GRK5: variants seen among roughly 807,000 people sequenced by gnomAD.
GRK5 encodes G protein-coupled receptor kinase 5.
A neutral mutation model predicts 78.4 loss-of-function variants in GRK5; 40 were observed. The ratio of observed to expected loss-of-function variants is 0.51; its 90% CI spans 0.40 to 0.66. The LOEUF (loss-of-function observed/expected upper bound fraction) is 0.66. Ranked by LOEUF, GRK5 falls within the 30% of genes least tolerant of loss-of-function variation. The pLI is 0.00. For missense variants in GRK5, 598 were observed against 759.9 expected, an observed-to-expected ratio of 0.79 and a Z score of 2.50; for synonymous variants, 289 against 296.8, an observed-to-expected ratio of 0.97 and a Z score of 0.27.
At chr10:119,425,143 G>C (rs1027446177) in intron 6 of GRK5, 58 bp downstream of exon 6, 1 of 1,250,718 alleles carries the variant, frequency 8.0e-7, no homozygotes, top group African/African-American at 1.5e-5. Flanking sequence ...TTTTTCATCT[G>C]AGAATTCATA....
At chr10:119,316,603 GC>G (rs1850491246) in intron 1 of GRK5, among the ~76,000 whole-genome samples, 1 of 152,206 alleles carries the variant, frequency 6.6e-6, no homozygotes, top group Non-Finnish European at 1.5e-5. Context: ...AGAACCCAGT[GC>G]AGCGCTACAC....
Position 119,455,643 on chromosome 10 carries a change from T to C in GRK5, c.*576T>C, listed in dbSNP as rs541520199. ...TACTTCACCTTTGAAGGATTGGTTG[T>C]ATTTACCCACATCTATCTCTGGAGC... On this transcript the variant is annotated 3_prime_UTR_variant, in exon 16 of 16. Transcript: ENST00000392870. The C allele has an allele frequency of 4.4e-4, 117 of 265,986 alleles. No homozygotes were observed. The highest frequency in any genetic ancestry group is 7.0e-4 in the Non-Finnish European group (98 of 139,052). 16.5% of individuals were successfully genotyped at this position (265,986 alleles called of 1,614,324 possible).
chr10:119,446,018 G>A (rs114718498), intron 12 of GRK5, among the ~76,000 whole-genome samples: 2,924 of 151,852 alleles, frequency 0.019, 94 homozygotes, highest in African/African-American at 0.067. Flanking sequence ...CCAAACCCCT[G>A]CTCAGTCCCA....
intron 2 of GRK5, among the ~76,000 whole-genome samples, chr10:119,355,718 T>G (rs1374508642): frequency 6.6e-6 from 1 of 152,160 alleles, no homozygotes; most frequent in Non-Finnish European, 1.5e-5. Context: ...AGGCAGAGGT[T>G]GCAATGAGCT....
At chr10:119,394,545 G>GT (rs1554916376) in intron 3 of GRK5, among the ~76,000 whole-genome samples, 738 of 12,758 alleles carry the variant, frequency 0.058, 141 homozygotes, top group Non-Finnish European at 0.08. Context: ...ATCTGTGTGT[G>GT]GGGGCACGTG....
At chr10:119,443,491 G>T in intron 11 of GRK5, 53 bp from the exon 12 acceptor site, 2 of 1,513,508 alleles carry the variant, frequency 1.3e-6, no homozygotes. Flanking sequence ...TGTGAGCAGC[G>T]CCACCAGCTG....
chr10:119,353,932 C>CTTTTTT (rs761463283), intron 2 of GRK5, among the ~76,000 whole-genome samples: 39 of 108,712 alleles, frequency 3.6e-4, no homozygotes, highest in African/African-American at 4.9e-4. Flanking sequence ...TTTTTTCTTT[C>CTTTTTT]TTTTTTTTTT....
chr10:119,402,366 C>T (rs1343232088), intron 4 of GRK5, among the ~76,000 whole-genome samples: 1 of 152,120 alleles, frequency 6.6e-6, no homozygotes, highest in African/African-American at 2.4e-5. Context: ...GTGTGCTGGG[C>T]TCTGAAGAGA....
At chr10:119,335,170 CTCT>C (rs1850856611) in intron 2 of GRK5, among the ~76,000 whole-genome samples, 6 of 141,202 alleles carry the variant, frequency 4.2e-5, no homozygotes, top group Admixed American at 1.4e-4. Flanking sequence ...CTCTCTCTCT[CTCT>C]CTCCCCCTCT....
intron 3 of GRK5, among the ~76,000 whole-genome samples, chr10:119,388,247 G>T (rs545511499): frequency 3.9e-5 from 6 of 152,054 alleles, no homozygotes; most frequent in African/African-American, 1.4e-4. Context: ...CAGGCATGAG[G>T]CACTGTACCT....
intron 1 of GRK5, among the ~76,000 whole-genome samples, chr10:119,250,061 C>G (rs1454578454): frequency 6.6e-6 from 1 of 152,194 alleles, no homozygotes; most frequent in Non-Finnish European, 1.5e-5. Context: ...CCTCAAAGAG[C>G]CTCTGACCTC....
At chr10:119,397,584 A>T (rs1852076927) in intron 4 of GRK5, among the ~76,000 whole-genome samples, 1 of 152,132 alleles carries the variant, frequency 6.6e-6, no homozygotes, top group Admixed American at 6.5e-5. Flanking sequence ...TGGTGGCTTC[A>T]CCCTGCTCAG....
At chr10:119,275,934 G>A (rs1849663750) in intron 1 of GRK5, among the ~76,000 whole-genome samples, 1 of 152,150 alleles carries the variant, frequency 6.6e-6, no homozygotes, top group Non-Finnish European at 1.5e-5. Context: ...ACAGTGACCC[G>A]ATTTTCCATA....
In GRK5 at chr10:119,436,879, C is replaced by T. The variant is rs369134692; in HGVS notation, c.929+38C>T. The stretch of plus-strand genomic sequence containing the variant: ...CACCAAGGACTTCCAAGTCTAAGTC[C>T]GAGGGGGTGGGGCCAGCCCCTCCAC... On this transcript the variant is annotated intron_variant, in intron 9 of 15. Coordinates refer to ENST00000392870, the MANE Select transcript of GRK5 (RefSeq NM_005308.3). 93 of 1,546,152 alleles carry T rather than the reference C, an allele frequency of 6.0e-5. 1 individual carries two copies. The African/African-American group carries it at 6.4e-4, about 11-fold the overall frequency.
At chr10:119,231,410 A>G (rs1252885128) in intron 1 of GRK5, among the ~76,000 whole-genome samples, 1 of 152,172 alleles carries the variant, frequency 6.6e-6, no homozygotes. Flanking sequence ...AAGATGGCCA[A>G]TAAAAAGTGC....
chr10:119,451,327 C>T (rs773643561), intron 13 of GRK5, among the ~76,000 whole-genome samples: 1 of 151,860 alleles, frequency 6.6e-6, no homozygotes, highest in African/African-American at 2.4e-5. Flanking sequence ...TTTGGGTGTG[C>T]CAGGTAACTT....
rs116087646 is a variant in GRK5 at position 119,273,184 on chromosome 10, G to A, written c.53-53332G>A. Among the ~76,000 whole-genome samples the A allele has an allele frequency of 4.2e-3, 643 of 152,342 alleles. 2 individuals are homozygous for A. Among genetic ancestry groups the A allele is most frequent in the African/African-American group, 0.015 (615 of 41,586 alleles). On this transcript the variant is annotated intron_variant, in intron 1 of 15. Coordinates refer to ENST00000392870, the MANE Select transcript of GRK5 (RefSeq NM_005308.3). The stretch of plus-strand genomic sequence containing the variant: ...GATTACATGGGGTCATGAGTAGACA[G>A]AATGTGGATTTCCAGAAGGTGCCTC...
At chr10:119,453,033 C>T (rs766067636) in intron 14 of GRK5, 112 bp from the exon 15 acceptor site, 23 of 864,820 alleles carry the variant, frequency 2.7e-5, no homozygotes, top group Admixed American at 5.3e-5. Context: ...ACCTGGAGGG[C>T]GTGTGGCTCA....
At chr10:119,344,529 G>A (rs1209310994) in intron 2 of GRK5, among the ~76,000 whole-genome samples, 3 of 152,166 alleles carry the variant, frequency 2.0e-5, no homozygotes, top group African/African-American at 4.8e-5. Context: ...TCTCCAAGCC[G>A]GCAGCTGTTC....
Sources: allele counts gnomAD v4.1 joint callset (sites outside exome capture counted in the v4.1 genomes callset), GRCh38; gene constraint gnomAD v4.1.1; transcripts MANE v1.5; gene names NCBI Gene and HGNC (gene_info 2026-07-23, HGNC 2026-07-21).